Variants in VAC14 observed in about 807,000 individuals in gnomAD.
VAC14 encodes the protein VAC14 component of PIKFYVE complex.
VAC14 carries 47 observed loss-of-function variants against 85.3 expected under a neutral mutation model. That is an observed-to-expected ratio of 0.55 (90% confidence interval 0.44 to 0.70). The LOEUF (loss-of-function observed/expected upper bound fraction) is 0.70, where lower values mean the gene tolerates loss of function less well. VAC14 is among the 30% of genes least tolerant of loss of function. The pLI, the probability that VAC14 is intolerant of heterozygous loss-of-function variation, is 0.00. For missense variants in VAC14, 861 were observed against 1,004.3 expected (o/e 0.86, Z 1.93); for synonymous variants, 447 against 430.5 (o/e 1.04, Z -0.47).
At chr16:70,786,931 A>C (rs1244586821) in intron 1 of VAC14, among the ~76,000 whole-genome samples, 1 of 152,222 alleles carries the variant, frequency 6.6e-6, no homozygotes, top group Non-Finnish European at 1.5e-5. Flanking sequence ...GTCAGATCTT[A>C]AAAACAGTAA....
At position 70,756,171 on chromosome 16, in the gene VAC14, GC is replaced by G. The variant is rs1208727563; in HGVS notation, c.1371+6368del. 6.8e-5 allele frequency: 30 copies of G among 444,314 alleles called. No individual in the cohort carries two copies. In the Admixed American group the frequency reaches 7.2e-4, roughly 11 times the overall value. 27.5% of individuals were successfully genotyped at this position (444,314 alleles called of 1,614,324 possible). On this transcript the variant is annotated intron_variant, in intron 12 of 18. Coordinates refer to ENST00000261776, the MANE Select transcript of VAC14 (RefSeq NM_018052.5). Reference sequence around the variant, plus strand: ...TGGGGTGATACACAGGGCTGCTTCTGCCCTGAGGCAGGAAGCCAGGCAGCCT... The same window carrying G: ...TGGGGTGATACACAGGGCTGCTTCTGCCTGAGGCAGGAAGCCAGGCAGCCT...
chr16:70,724,625 G>A (rs867793678), intron 14 of VAC14, among the ~76,000 whole-genome samples: 1 of 152,182 alleles, frequency 6.6e-6, no homozygotes, highest in East Asian at 1.9e-4. Flanking sequence ...GCCGGGAGCC[G>A]GTTGTGTAAA....
chr16:70,782,955 G>T, intron 7 of VAC14, 78 bp downstream of exon 7: 1 of 1,313,066 alleles, frequency 7.6e-7, no homozygotes, highest in South Asian at 1.3e-5. Flanking sequence ...AAGCTGAGAT[G>T]GTGAAAGGGG....
intron 13 of VAC14, among the ~76,000 whole-genome samples, chr16:70,741,396 G>C (rs998087312): frequency 6.6e-6 from 1 of 152,210 alleles, no homozygotes; most frequent in African/African-American, 2.4e-5. Flanking sequence ...GAGGTGGGGG[G>C]GCGGGGAAGC....
intron 14 of VAC14, among the ~76,000 whole-genome samples, chr16:70,707,430 C>A (rs1430616393): frequency 2.0e-5 from 3 of 152,092 alleles, no homozygotes; most frequent in African/African-American, 7.2e-5. Flanking sequence ...GGAGGAGGGG[C>A]ACAGGAAGAG....
intron 14 of VAC14, among the ~76,000 whole-genome samples, chr16:70,718,663 C>T (rs1390304072): frequency 6.6e-6 from 1 of 151,968 alleles, no homozygotes; most frequent in Non-Finnish European, 1.5e-5. Flanking sequence ...CTCAGCATCT[C>T]GTGGGAAGAG....
In VAC14 at chr16:70,731,939, T is replaced by C. The variant is rs554333967; in HGVS notation, c.1529-312A>G. ...TAAACCACTTAGTGAACATCTCATGTGTATAAGACCCTGCTAGGTGCCATG... is the reference window on the plus strand; with the variant it reads ...TAAACCACTTAGTGAACATCTCATGCGTATAAGACCCTGCTAGGTGCCATG... On this transcript the variant is annotated intron_variant, in intron 13 of 18. Transcript: ENST00000261776. Among the ~76,000 whole-genome samples, 18 of 152,272 alleles carry C rather than the reference T, an allele frequency of 1.2e-4. No individual in the cohort carries two copies. In the East Asian group the frequency reaches 3.1e-3, roughly 26 times the overall value.
At chr16:70,707,760 C>G (rs2053949104) in intron 14 of VAC14, among the ~76,000 whole-genome samples, 4 of 151,570 alleles carry the variant, frequency 2.6e-5, no homozygotes. Flanking sequence ...GAATGGAAGT[C>G]ATCTTCTACC....
At chr16:70,758,074 A>G (rs527460329) in intron 12 of VAC14, among the ~76,000 whole-genome samples, 6 of 152,162 alleles carry the variant, frequency 3.9e-5, no homozygotes, top group African/African-American at 1.4e-4. Context: ...AAACACTGAG[A>G]GTACTCATCA....
chr16:70,784,633 G>C, intron 4 of VAC14, 143 bp downstream of exon 4: 2 of 826,652 alleles, frequency 2.4e-6, no homozygotes, highest in South Asian at 3.3e-5. Flanking sequence ...TCTTGTCATA[G>C]AACTGCACAC....
At chr16:70,745,401 G>A (rs2030768517) in intron 12 of VAC14, among the ~76,000 whole-genome samples, 1 of 152,180 alleles carries the variant, frequency 6.6e-6, no homozygotes. Flanking sequence ...AGCTGGCAGG[G>A]CGGCAAAGTC....
chr16:70,726,531 T>C (rs2054433722), intron 14 of VAC14, among the ~76,000 whole-genome samples: 1 of 152,168 alleles, frequency 6.6e-6, no homozygotes, highest in African/African-American at 2.4e-5. Flanking sequence ...CACCACACTA[T>C]GACACGGCAG....
At chr16:70,749,351 A>G (rs1453364343) in intron 12 of VAC14, among the ~76,000 whole-genome samples, 1 of 152,246 alleles carries the variant, frequency 6.6e-6, no homozygotes, top group Non-Finnish European at 1.5e-5. Context: ...TACATTTTCA[A>G]TTCTCTTATT....
chr16:70,698,517 G>T (rs991520712), intron 15 of VAC14, 120 bp downstream of exon 15: 3 of 1,279,294 alleles, frequency 2.3e-6, no homozygotes, highest in Middle Eastern at 2.7e-4. Context: ...GGGAAGTCTC[G>T]ATTTCAACCC....
At chr16:70,748,220 A>G (rs540668809) in intron 12 of VAC14, among the ~76,000 whole-genome samples, 1 of 152,318 alleles carries the variant, frequency 6.6e-6, no homozygotes, top group Admixed American at 6.5e-5. Context: ...AGTTAACTTC[A>G]ACCACACAAT....
In VAC14 at chr16:70,780,942, G is replaced by C; in HGVS notation, c.947-3C>G. Reference sequence around the variant, plus strand: ...CACGTTGGCCACTTCTTTGATGCCTGAGTCCACTGATGTAAGGAGCGTGAT... The same window carrying C: ...CACGTTGGCCACTTCTTTGATGCCTCAGTCCACTGATGTAAGGAGCGTGAT... On this transcript the variant is annotated splice_region_variant and splice_polypyrimidine_tract_variant and intron_variant, in intron 8 of 18. Coordinates refer to ENST00000261776, the MANE Select transcript of VAC14 (RefSeq NM_018052.5). 1 of 1,614,048 alleles carries C rather than the reference G, an allele frequency of 6.2e-7. No homozygotes were observed. Among genetic ancestry groups the C allele is most frequent in the Non-Finnish European group, 8.5e-7 (1 of 1,180,008 alleles).
intron 14 of VAC14, among the ~76,000 whole-genome samples, chr16:70,712,566 G>A (rs539296089): frequency 6.6e-6 from 1 of 152,302 alleles, no homozygotes; most frequent in Non-Finnish European, 1.5e-5. Flanking sequence ...GACAGTGAAG[G>A]CGGTGGACCT....
Position 70,780,671 on chromosome 16 carries a change from G to T in VAC14, c.1096+119C>A, listed in dbSNP as rs1022950921. 6.5e-5 allele frequency: 84 copies of T among 1,288,960 alleles called. No homozygotes were observed. The African/African-American group carries it at 1.0e-3, about 16-fold the overall frequency. The allele number at this position is 1,288,960 out of a possible 1,614,324, so 79.8% of individuals were successfully genotyped here. A position where few individuals can be genotyped will look rare whatever the true frequency, so the allele number is the denominator to read the frequency against. ...TGCGCTGGGTTGCTGCTACAATTGT[G>T]TGAGTGACATACATAAAGTAGTCCT... On this transcript the variant is annotated intron_variant, in intron 9 of 18. Transcript: ENST00000261776.
chr16:70,689,164 G>A, intron 18 of VAC14: 2 of 975,874 alleles, frequency 2.0e-6, no homozygotes, highest in African/African-American at 3.5e-5. Flanking sequence ...ACTTGAGCAT[G>A]TGACTGTTTC....
Sources: gnomAD v4.1 joint callset for allele counts (sites outside exome capture counted in the v4.1 genomes callset) on GRCh38, gnomAD v4.1.1 for gene constraint, MANE v1.5 for transcripts, NCBI Gene and HGNC (gene_info 2026-07-23, HGNC 2026-07-21) for gene names.